CACNG3: variants seen among roughly 807,000 people sequenced by gnomAD.
CACNG3 encodes voltage-dependent calcium channel gamma-3 subunit.
CACNG3 carries 3 observed loss-of-function variants against 28.5 expected under a neutral mutation model. The ratio of observed to expected loss-of-function variants is 0.11; its 90% CI spans 0.05 to 0.27. CACNG3 has a LOEUF of 0.27. CACNG3 is among the 10% of genes least tolerant of loss of function. CACNG3 has a pLI of 1.00. For missense variants in CACNG3, 236 were observed against 414.4 expected (o/e 0.57, Z 3.74); for synonymous variants, 174 against 162.2 (o/e 1.07, Z -0.55).
chr16:24,293,135 C>T (rs1215624510), intron 1 of CACNG3, among the ~76,000 whole-genome samples: 1 of 152,192 alleles, frequency 6.6e-6, no homozygotes, highest in Non-Finnish European at 1.5e-5. Flanking sequence ...AGTTATTGTC[C>T]CTTGAATTTC....
At chr16:24,280,821 C>CAAAAAAAAAAAAAAAAAA in intron 1 of CACNG3, among the ~76,000 whole-genome samples, 1 of 55,626 alleles carries the variant, frequency 1.8e-5, no homozygotes. Flanking sequence ...GAGTTTGTCT[C>CAAAAAAAAAAAAAAAAAA]AAAAAAAAAA....
intron 1 of CACNG3, among the ~76,000 whole-genome samples, chr16:24,334,881 A>C (rs1282233086): frequency 6.6e-6 from 1 of 152,156 alleles, no homozygotes; most frequent in East Asian, 1.9e-4. Flanking sequence ...CCACATGCAC[A>C]GGTCTGCACA....
chr16:24,351,848 T>C (rs1440629160), intron 2 of CACNG3, among the ~76,000 whole-genome samples: 1 of 147,018 alleles, frequency 6.8e-6, no homozygotes, highest in Admixed American at 6.7e-5. Flanking sequence ...TTTTTTTTTT[T>C]TTTTGAGACA....
chr16:24,279,955 T>C (rs1362136181), intron 1 of CACNG3, among the ~76,000 whole-genome samples: 1 of 152,194 alleles, frequency 6.6e-6, no homozygotes, highest in East Asian at 1.9e-4. Flanking sequence ...CAAGAACTCA[T>C]GAGGGATATC....
At chr16:24,355,719 T>A (rs1223032666) in intron 3 of CACNG3, among the ~76,000 whole-genome samples, 1 of 152,186 alleles carries the variant, frequency 6.6e-6, no homozygotes. Context: ...TACTCACCAT[T>A]TTATACCCTC....
intron 2 of CACNG3, 128 bp from the exon 3 acceptor site, chr16:24,354,705 G>C: frequency 1.1e-6 from 1 of 905,156 alleles, no homozygotes. Flanking sequence ...CTGGTCTCAT[G>C]CCCGTGTTAG....
intron 1 of CACNG3, among the ~76,000 whole-genome samples, chr16:24,318,421 A>G (rs935831805): frequency 6.6e-6 from 1 of 152,126 alleles, no homozygotes; most frequent in African/African-American, 2.4e-5. Flanking sequence ...CAAAGTCCTG[A>G]CCTCAGGTGA....
chr16:24,289,995 G>A (rs1023490113), intron 1 of CACNG3, among the ~76,000 whole-genome samples: 1 of 152,240 alleles, frequency 6.6e-6, no homozygotes. Context: ...AAGTCCTGGA[G>A]TATTACAGAG....
At chr16:24,328,624 A>G (rs1899590594) in intron 1 of CACNG3, among the ~76,000 whole-genome samples, 1 of 152,048 alleles carries the variant, frequency 6.6e-6, no homozygotes, top group African/African-American at 2.4e-5. Flanking sequence ...GATATTTCGC[A>G]TACTCACGGA....
intron 1 of CACNG3, among the ~76,000 whole-genome samples, chr16:24,297,737 G>C (rs1389881153): frequency 1.3e-5 from 2 of 152,248 alleles, no homozygotes; most frequent in Non-Finnish European, 1.5e-5. Context: ...ATGGGGAGGG[G>C]GTGCTGTGGG....
At chr16:24,343,895 C>A (rs2005704) in intron 1 of CACNG3, among the ~76,000 whole-genome samples, 60,194 of 151,660 alleles carry the variant, frequency 0.4, 12,480 homozygotes, top group Admixed American at 0.51. Flanking sequence ...CAAGACCATC[C>A]TGGCTAACAC....
intron 1 of CACNG3, among the ~76,000 whole-genome samples, chr16:24,280,323 A>G (rs900528105): frequency 1.5e-4 from 23 of 152,224 alleles, no homozygotes; most frequent in African/African-American, 4.6e-4. Flanking sequence ...GCTAATTTCC[A>G]TTCCAGCCCT....
Position 24,265,501 on chromosome 16 carries a change from A to G in CACNG3, c.211+8536A>G, listed in dbSNP as rs200119481. 2.7e-5 allele frequency among the ~76,000 whole-genome samples: 4 copies of G among 150,696 alleles called. No homozygotes were observed. In the East Asian group the frequency reaches 5.9e-4, roughly 22 times the overall value. The stretch of plus-strand genomic sequence containing the variant: ...GAGAGAGAAAGAGAAAGAAGGAAAG[A>G]AAAGAAAGAAAGAAAGAAAGAAGAA... On this transcript the variant is annotated intron_variant, in intron 1 of 3. Transcript: ENST00000005284.
chr16:24,301,711 CAG>C (rs1899113809), intron 1 of CACNG3, among the ~76,000 whole-genome samples: 1 of 152,194 alleles, frequency 6.6e-6, no homozygotes, highest in African/African-American at 2.4e-5. Flanking sequence ...CTCTATTCAG[CAG>C]AGTCAGGCCT....
chr16:24,259,770 A>C (rs753831202), intron 1 of CACNG3, among the ~76,000 whole-genome samples: 2 of 152,194 alleles, frequency 1.3e-5, no homozygotes, highest in Non-Finnish European at 2.9e-5. Flanking sequence ...TAACTATCCA[A>C]TGTGGAATGG....
At chr16:24,360,088 C>T (rs1453107657) in intron 3 of CACNG3, among the ~76,000 whole-genome samples, 1 of 152,052 alleles carries the variant, frequency 6.6e-6, no homozygotes, top group Non-Finnish European at 1.5e-5. Flanking sequence ...GGTTACTCAC[C>T]AACTGTTGTC....
At chr16:24,335,334 C>T (rs1198310601) in intron 1 of CACNG3, among the ~76,000 whole-genome samples, 2 of 152,138 alleles carry the variant, frequency 1.3e-5, no homozygotes, top group Non-Finnish European at 2.9e-5. Flanking sequence ...GCATGAGAAT[C>T]GCTTGAACCT....
chr16:24,279,301 T>C (rs987703642), intron 1 of CACNG3, among the ~76,000 whole-genome samples: 10 of 152,146 alleles, frequency 6.6e-5, no homozygotes, highest in Admixed American at 2.0e-4. Context: ...AGTTTTATTT[T>C]TATTTTTCTT....
At chr16:24,273,183 C>G (rs1353429025) in intron 1 of CACNG3, among the ~76,000 whole-genome samples, 1 of 152,220 alleles carries the variant, frequency 6.6e-6, no homozygotes, top group Non-Finnish European at 1.5e-5. Context: ...GTCAGAGATA[C>G]TGCTGTCTCC....
Sources: allele counts gnomAD v4.1 joint callset (sites outside exome capture counted in the v4.1 genomes callset), GRCh38; gene constraint gnomAD v4.1.1; transcripts MANE v1.5; gene names NCBI Gene and HGNC (gene_info 2026-07-23, HGNC 2026-07-21).